Variants in DPY30 observed in about 807,000 individuals in gnomAD.
DPY30 encodes protein dpy-30 homolog.
DPY30 carries 6 observed loss-of-function variants against 16.2 expected under a neutral mutation model. The ratio of observed to expected loss-of-function variants is 0.37; its 90% CI spans 0.20 to 0.73. DPY30 has a LOEUF of 0.73. Ranked by LOEUF, DPY30 falls within the 30% of genes least tolerant of loss-of-function variation. The pLI is 0.51. For synonymous variants in DPY30, 39 were observed against 38.8 expected, an observed-to-expected ratio of 1.00 and a Z score of -0.02; for missense variants, 73 against 113.1, an observed-to-expected ratio of 0.65 and a Z score of 1.61.
downstream of DPY30, among the ~76,000 whole-genome samples, chr2:32,022,768 G>A (rs528977437): frequency 2.0e-5 from 3 of 151,704 alleles, no homozygotes; most frequent in African/African-American, 4.8e-5. Flanking sequence ...CACCTGCCTC[G>A]GCCTCCCAAA....
At chr2:32,014,014 G>T (rs1675017277) in intron 5 of DPY30, among the ~76,000 whole-genome samples, 1 of 145,296 alleles carries the variant, frequency 6.9e-6, no homozygotes, top group South Asian at 2.4e-4. Flanking sequence ...GAGAAAGAAA[G>T]AAAGAGAGAA....
intron 5 of DPY30, among the ~76,000 whole-genome samples, chr2:32,016,346 T>A (rs1365387394): frequency 6.6e-6 from 1 of 152,250 alleles, no homozygotes; most frequent in African/African-American, 2.4e-5. Flanking sequence ...GATTTTCTGT[T>A]ATAGCCACTC....
intron 3 of DPY30, among the ~76,000 whole-genome samples, chr2:32,032,230 T>G (rs1675569176): frequency 6.6e-6 from 1 of 152,178 alleles, no homozygotes; most frequent in Non-Finnish European, 1.5e-5. Context: ...AATACAAAGT[T>G]TTTTAATCTA....
At chr2:32,025,033 A>G (rs1007955007) in intron 4 of DPY30, among the ~76,000 whole-genome samples, 3 of 152,210 alleles carry the variant, frequency 2.0e-5, no homozygotes, top group Non-Finnish European at 2.9e-5. Flanking sequence ...AGGCATATTG[A>G]AAATATGTTT....
At chr2:32,022,520 TTAA>T (rs1201280460), downstream of DPY30, among the ~76,000 whole-genome samples, 1 of 151,800 alleles carries the variant, frequency 6.6e-6, no homozygotes, top group Non-Finnish European at 1.5e-5. Flanking sequence ...ATTTTTTTTT[TTAA>T]TTTTTTTTCT....
chr2:32,019,516 A>AAT, downstream of DPY30, among the ~76,000 whole-genome samples: 1 of 152,036 alleles, frequency 6.6e-6, no homozygotes, highest in African/African-American at 2.4e-5. Context: ...GTCTCAAAAA[A>AAT]ATATATATAT....
Position 32,037,556 on chromosome 2 carries a change from G to A in DPY30, c.84+1723C>T, listed in dbSNP as rs1410036767. ...AGCGATTTAACAGCCACCATGCCCA[G>A]ACAACTTTTTTTTTTTTTTGAGACA... is the stretch of plus-strand genomic sequence containing the variant. On this transcript the variant is annotated intron_variant, in intron 3 of 4. Coordinates refer to ENST00000342166, the MANE Select transcript of DPY30 (RefSeq NM_001321209.2). Among the ~76,000 whole-genome samples the A allele has an allele frequency of 1.1e-4, 16 of 151,234 alleles. No individual in the cohort carries two copies. The South Asian group carries it at 3.4e-3, about 32-fold the overall frequency.
chr2:32,039,179 A>C lies in DPY30; in HGVS notation c.84+100T>G, dbSNP rs1039713006. ...GATACTATTCAGTTCACGATAACAA[A>C]GTTTTCCCTTGTGCATAGCCACCTA... On this transcript the variant is annotated intron_variant, in intron 3 of 4. Coordinates refer to ENST00000342166, the MANE Select transcript of DPY30 (RefSeq NM_001321209.2). 9 of 1,435,606 alleles carry C rather than the reference A, an allele frequency of 6.3e-6. No individual in the cohort carries two copies. The African/African-American group carries it at 9.8e-5, about 16-fold the overall frequency. The allele number at this position is 1,435,606 out of a possible 1,614,324, so 88.9% of individuals were successfully genotyped here.
intron 5 of DPY30, among the ~76,000 whole-genome samples, chr2:32,013,911 G>A (rs973257479): frequency 8.5e-5 from 13 of 152,200 alleles, no homozygotes; most frequent in African/African-American, 3.1e-4. Flanking sequence ...GGGAGGCTGA[G>A]GCAGGAGAAT....
intron 3 of DPY30, among the ~76,000 whole-genome samples, chr2:32,037,284 T>G (rs1267010053): frequency 6.6e-6 from 1 of 152,152 alleles, no homozygotes; most frequent in African/African-American, 2.4e-5. Context: ...TTTTTTGTAT[T>G]GTTTACATAT....
intron 3 of DPY30, among the ~76,000 whole-genome samples, chr2:32,036,569 G>A (rs932489148): frequency 4.6e-5 from 7 of 151,756 alleles, no homozygotes; most frequent in African/African-American, 1.7e-4. Flanking sequence ...TACTCAGGAG[G>A]CTGAGGCAGG....
downstream of DPY30, among the ~76,000 whole-genome samples, chr2:32,020,336 T>A (rs1477045909): frequency 6.6e-6 from 1 of 152,002 alleles, no homozygotes; most frequent in Non-Finnish European, 1.5e-5. Flanking sequence ...TGAGAACCCG[T>A]CTCTGCAAAA....
At position 32,012,638 on chromosome 2, in the gene DPY30, A is replaced by G. The variant is rs182511667; in HGVS notation, n.378-586T>C. The stretch of plus-strand genomic sequence containing the variant: ...TTTTTAGTAGAGACAGGGTTTCACC[A>G]TGTTGGCCAGGGTGGTCTTGAACTC... On this transcript the variant is annotated intron_variant and non_coding_transcript_variant, in intron 5 of 5. Transcript: ENST00000414013. Among the ~76,000 whole-genome samples the G allele has an allele frequency of 1.8e-3, 277 of 152,012 alleles. 2 individuals are homozygous for G. Among genetic ancestry groups the G allele is most frequent in the African/African-American group, 6.5e-3 (268 of 41,464 alleles).
intron 3 of DPY30, among the ~76,000 whole-genome samples, chr2:32,030,870 C>T (rs1675513538): frequency 6.6e-6 from 1 of 151,632 alleles, no homozygotes; most frequent in Admixed American, 6.6e-5. Flanking sequence ...AAATAATAAC[C>T]CCAAAATGAA....
rs764798748 is a variant in DPY30 at position 32,039,331 on chromosome 2, A to T, written c.37-5T>A. On this transcript the variant is annotated splice_region_variant and splice_polypyrimidine_tract_variant and intron_variant, in intron 2 of 4. Transcript: ENST00000342166. ...AGAGTGAGGATTTTCTGCAACCTAG[A>T]AAACAAAACACCGGTCACAGAGATA... The T allele has an allele frequency of 6.2e-7, 1 of 1,614,134 alleles. No homozygotes were observed. The highest frequency in any genetic ancestry group is 8.5e-7 in the Non-Finnish European group (1 of 1,180,026).
chr2:32,029,857 G>T (rs1675467250), intron 3 of DPY30, 121 bp from the exon 4 acceptor site: 2 of 1,040,684 alleles, frequency 1.9e-6, no homozygotes, highest in African/African-American at 1.6e-5. Context: ...TAGAAAGATG[G>T]TACTAGACCA....
chr2:32,025,590 G>C (rs1021021165), intron 4 of DPY30, among the ~76,000 whole-genome samples: 1 of 151,220 alleles, frequency 6.6e-6, no homozygotes, highest in Non-Finnish European at 1.5e-5. Flanking sequence ...GTGAAATCCT[G>C]TCTCCACTAA....
chr2:32,039,643 C>G (rs1251122956), intron 1 of DPY30, 90 bp downstream of exon 1: 1 of 661,068 alleles, frequency 1.5e-6, no homozygotes, highest in African/African-American at 1.8e-5. Context: ...GGACAGTCCA[C>G]GACTGGGCGC....
chr2:32,034,639 G>T (rs1423170686), intron 3 of DPY30, among the ~76,000 whole-genome samples: 1 of 152,114 alleles, frequency 6.6e-6, no homozygotes, highest in East Asian at 1.9e-4. Flanking sequence ...ATTACACCAG[G>T]AGGAACAATC....
Sources: allele counts gnomAD v4.1 joint callset (sites outside exome capture counted in the v4.1 genomes callset), GRCh38; gene constraint gnomAD v4.1.1; transcripts MANE v1.5; gene names NCBI Gene and HGNC (gene_info 2026-07-23, HGNC 2026-07-21).